EYS: variants seen among roughly 807,000 people sequenced by gnomAD.
The protein encoded by EYS is EGF-like photoreceptor maintenance factor.
Under a neutral mutation model 282.1 loss-of-function variants are expected in EYS, and 250 were observed. That is an observed-to-expected ratio of 0.89 (90% confidence interval 0.80 to 0.98). EYS has a LOEUF of 0.98. Ranked by LOEUF, EYS falls within the 50% of genes least tolerant of loss-of-function variation. EYS has a pLI of 0.00. For missense variants in EYS, 4,016 were observed against 3,709.0 expected (o/e 1.08, Z -2.15); for synonymous variants, 1,355 against 1,282.9 (o/e 1.06, Z -1.20).
intron 12 of EYS, among the ~76,000 whole-genome samples, chr6:65,278,593 C>T (rs965966516): frequency 2.0e-5 from 3 of 151,362 alleles, no homozygotes; most frequent in Non-Finnish European, 4.4e-5. Flanking sequence ...ATGTATTCAC[C>T]CCAGTTACTG....
chr6:64,765,547 G>A (rs950383790), intron 22 of EYS, among the ~76,000 whole-genome samples: 3 of 152,114 alleles, frequency 2.0e-5, no homozygotes, highest in Non-Finnish European at 4.4e-5. Flanking sequence ...CTACAGTAAA[G>A]AACTACCTAG....
intron 7 of EYS, among the ~76,000 whole-genome samples, chr6:65,392,764 C>A (rs201342240): frequency 6.6e-6 from 1 of 150,960 alleles, no homozygotes; most frequent in African/African-American, 2.4e-5. Context: ...GTCAGTGTGG[C>A]GATTCCTCAG....
chr6:65,092,860 A>G (rs956249838), intron 12 of EYS, among the ~76,000 whole-genome samples: 2 of 152,160 alleles, frequency 1.3e-5, no homozygotes, highest in East Asian at 3.8e-4. Flanking sequence ...CAATATACAC[A>G]TTGTGGGAGT....
rs182104760 is a variant in EYS at position 65,298,597 on chromosome 6, C to T, written c.1767-2478G>A. Among the ~76,000 whole-genome samples, 41 of 151,976 alleles carry T rather than the reference C, an allele frequency of 2.7e-4. 2 individuals carry two copies. Among genetic ancestry groups the T allele is most frequent in the African/African-American group, 6.7e-4 (28 of 41,512 alleles). ...TGACGAGTTGTGGTTAGAGCAACAA[C>T]CTACTTGTTCCCAATTTTTGAATTT... On this transcript the variant is annotated intron_variant, in intron 11 of 42. Coordinates refer to ENST00000503581, the MANE Select transcript of EYS (RefSeq NM_001142800.2).
intron 22 of EYS, among the ~76,000 whole-genome samples, chr6:64,639,994 T>C (rs1173571380): frequency 7.3e-6 from 1 of 137,036 alleles, no homozygotes; most frequent in African/African-American, 2.7e-5. Flanking sequence ...ATCAGAGAAA[T>C]GCAAATCGAA....
At chr6:63,841,688 C>CCAT (rs1262303468) in intron 36 of EYS, among the ~76,000 whole-genome samples, 2 of 152,070 alleles carry the variant, frequency 1.3e-5, no homozygotes, top group African/African-American at 4.8e-5. Context: ...TGTACATGTG[C>CCAT]CATGGTGCTT....
intron 31 of EYS, among the ~76,000 whole-genome samples, chr6:64,129,447 C>A (rs1010821370): frequency 6.6e-6 from 1 of 152,154 alleles, no homozygotes; most frequent in Admixed American, 6.5e-5. Context: ...CTTGTCTGTT[C>A]ATATCCTTTG....
At chr6:64,968,108 A>C (rs1770158939) in intron 14 of EYS, among the ~76,000 whole-genome samples, 1 of 152,214 alleles carries the variant, frequency 6.6e-6, no homozygotes, top group African/African-American at 2.4e-5. Context: ...TCAAGATTAC[A>C]GCCATATATA....
intron 35 of EYS, among the ~76,000 whole-genome samples, chr6:63,925,887 G>A (rs1053893774): frequency 4.6e-5 from 7 of 151,998 alleles, no homozygotes; most frequent in Admixed American, 1.3e-4. Flanking sequence ...CTCGTGATCC[G>A]CCCACCTCGG....
At chr6:65,537,885 G>A (rs916591057) in intron 2 of EYS, among the ~76,000 whole-genome samples, 22 of 152,176 alleles carry the variant, frequency 1.4e-4, no homozygotes, top group Non-Finnish European at 3.1e-4. Flanking sequence ...CCTGCAGTAA[G>A]TGCTGATGCT....
At chr6:65,063,311 C>T (rs1773635179) in intron 12 of EYS, among the ~76,000 whole-genome samples, 1 of 151,882 alleles carries the variant, frequency 6.6e-6, no homozygotes. Flanking sequence ...TTCCTTTTTA[C>T]ATATATTTTG....
chr6:64,281,289 T>C (rs997571042), intron 30 of EYS, among the ~76,000 whole-genome samples: 2 of 152,026 alleles, frequency 1.3e-5, no homozygotes, highest in Non-Finnish European at 2.9e-5. Context: ...ATCTCAAAAG[T>C]GAGTGACCAC....
chr6:65,078,098 C>T (rs1479881153), intron 12 of EYS, among the ~76,000 whole-genome samples: 1 of 151,842 alleles, frequency 6.6e-6, no homozygotes, highest in Non-Finnish European at 1.5e-5. Flanking sequence ...TTTGTGCAGC[C>T]CAGTGGTTGT....
intron 28 of EYS, among the ~76,000 whole-genome samples, chr6:64,433,179 C>T (rs1267831937): frequency 2.0e-5 from 3 of 151,930 alleles, no homozygotes; most frequent in South Asian, 4.1e-4. Context: ...TTTTGCTGTC[C>T]TTTTTCTTCC....
intron 31 of EYS, among the ~76,000 whole-genome samples, chr6:64,116,052 A>G (rs1311736920): frequency 6.6e-6 from 1 of 152,118 alleles, no homozygotes; most frequent in Non-Finnish European, 1.5e-5. Flanking sequence ...GAGAAGTTCA[A>G]TAAAGAGATA....
At chr6:63,902,459 A>T (rs1773680965) in intron 35 of EYS, among the ~76,000 whole-genome samples, 1 of 152,162 alleles carries the variant, frequency 6.6e-6, no homozygotes, top group African/African-American at 2.4e-5. Context: ...AAACAAAGGG[A>T]TCTATATTTT....
At position 65,020,925 on chromosome 6, in the gene EYS, C is replaced by CT. The variant is rs1162448889; in HGVS notation, c.2138-23223dup. 2.0e-5 allele frequency among the ~76,000 whole-genome samples: 3 copies of CT among 152,226 alleles called. No homozygotes were observed. In the South Asian group the frequency reaches 6.2e-4, roughly 32 times the overall value. On this transcript the variant is annotated intron_variant, in intron 13 of 42. Transcript: ENST00000503581. ...GCCACAGCCTGAACTGTACATTTCC[C>CT]TTTTTTAGCTATGGCTGGAGCAGCT... is the stretch of plus-strand genomic sequence containing the variant.
intron 22 of EYS, among the ~76,000 whole-genome samples, chr6:64,793,804 T>G (rs1436378719): frequency 6.6e-6 from 1 of 152,170 alleles, no homozygotes; most frequent in African/African-American, 2.4e-5. Flanking sequence ...CCATCTGTTT[T>G]TTTTTGTTTG....
chr6:65,432,994 G>C (rs368813442), intron 5 of EYS, among the ~76,000 whole-genome samples: 2 of 152,218 alleles, frequency 1.3e-5, no homozygotes, highest in East Asian at 1.9e-4. Context: ...AGGAATGGGA[G>C]GGGGTGGATA....
Sources: allele counts gnomAD v4.1 joint callset (sites outside exome capture counted in the v4.1 genomes callset), GRCh38; gene constraint gnomAD v4.1.1; transcripts MANE v1.5; gene names NCBI Gene and HGNC (gene_info 2026-07-23, HGNC 2026-07-21).